ARHGEF26: variants seen among roughly 807,000 people sequenced by gnomAD.
ARHGEF26 encodes the protein Rho guanine nucleotide exchange factor 26.
ARHGEF26 carries 59 observed loss-of-function variants against 89.4 expected under a neutral mutation model. The ratio of observed to expected loss-of-function variants is 0.66; its 90% CI spans 0.54 to 0.82. The LOEUF (loss-of-function observed/expected upper bound fraction) is 0.82, where lower values mean the gene tolerates loss of function less well. Ranked by LOEUF, ARHGEF26 falls within the 40% of genes least tolerant of loss-of-function variation. The probability of loss-of-function intolerance (pLI) is 0.00; values close to 1 mark genes in which losing one functional copy is unlikely to be tolerated. For missense variants in ARHGEF26, 1,234 were observed against 1,085.6 expected (o/e 1.14, Z -1.92); for synonymous variants, 500 against 428.4 (o/e 1.17, Z -2.06).
rs355749 is a variant in ARHGEF26, at chr3:154,254,711, T to C, written c.2369-9T>C. The C allele has an allele frequency of 0.87, 1,405,068 of 1,611,436 alleles. 614,369 individuals are homozygous for C. The highest frequency in any genetic ancestry group is 1 in the East Asian group (44,761 of 44,794). ...ACTGGAAACTTAGTATGTCCTCTTT[T>C]GGCCTCAGCACTGACCCAGGTGGAA... is the stretch of plus-strand genomic sequence containing the variant. On this transcript the variant is annotated splice_polypyrimidine_tract_variant and intron_variant, in intron 13 of 14. Transcript: ENST00000465093.
chr3:154,172,621 GA>G (rs1712522395), intron 6 of ARHGEF26, among the ~76,000 whole-genome samples: 1 of 152,192 alleles, frequency 6.6e-6, no homozygotes, highest in African/African-American at 2.4e-5. Flanking sequence ...TTGAACCCAG[GA>G]GGTAGAGGTT....
At position 154,152,775 on chromosome 3, in the gene ARHGEF26, A is replaced by G. The variant is rs760565391; in HGVS notation, c.1330A>G (p.Ile444Val). 1.0e-5 allele frequency: 15 copies of G among 1,495,872 alleles called. No homozygotes were observed. Among genetic ancestry groups the G allele is most frequent in the Admixed American group, 7.1e-5 (3 of 42,328 alleles). The allele number at this position is 1,495,872 out of a possible 1,614,324, so 92.7% of individuals were successfully genotyped here. A position where few individuals can be genotyped will look rare whatever the true frequency, so the allele number is the denominator to read the frequency against. ...SQEERKRQEA[I>V]FEVISSEHSY... ...ATTTCTTTTTCCTTCTTACCAGGCT[A>G]TCTTTGAAGTCATATCCTCTGAACA... is the stretch of plus-strand genomic sequence containing the variant. The change falls in exon 6 of 15, where the codon ATC (isoleucine) becomes GTC (valine). Residue 444 changes from isoleucine (I) to valine (V), a missense_variant. Coordinates refer to ENST00000465093, the MANE Select transcript of ARHGEF26 (RefSeq NM_015595.4).
chr3:154,188,209 A>G (rs1300423862), intron 7 of ARHGEF26, among the ~76,000 whole-genome samples: 1 of 152,176 alleles, frequency 6.6e-6, no homozygotes, highest in Non-Finnish European at 1.5e-5. Context: ...TGATTGAGCT[A>G]AAAGCTAAGA....
chr3:154,164,451 A>G (rs1711869727), intron 6 of ARHGEF26, among the ~76,000 whole-genome samples: 1 of 25,298 alleles, frequency 4.0e-5, no homozygotes, highest in Non-Finnish European at 6.1e-5. Context: ...AACTTAATAG[A>G]TACTTTATAC....
At chr3:154,138,460 A>T (rs923712349) in intron 4 of ARHGEF26, among the ~76,000 whole-genome samples, 1 of 152,166 alleles carries the variant, frequency 6.6e-6, no homozygotes, top group Non-Finnish European at 1.5e-5. Flanking sequence ...TGAGGAAAAA[A>T]CTACTCTGGT....
intron 6 of ARHGEF26, among the ~76,000 whole-genome samples, chr3:154,175,284 G>T (rs1712737330): frequency 6.6e-6 from 1 of 152,150 alleles, no homozygotes; most frequent in East Asian, 1.9e-4. Context: ...ACTCAGTGTG[G>T]AAGCTGCATA....
intron 9 of ARHGEF26, among the ~76,000 whole-genome samples, chr3:154,207,439 G>C (rs925185174): frequency 7.2e-5 from 11 of 152,020 alleles, no homozygotes; most frequent in Admixed American, 4.6e-4. Context: ...AGCGGGCAAA[G>C]GACATGAACA....
intron 10 of ARHGEF26, among the ~76,000 whole-genome samples, chr3:154,224,149 C>G (rs1306508044): frequency 6.6e-6 from 1 of 152,174 alleles, no homozygotes; most frequent in Non-Finnish European, 1.5e-5. Flanking sequence ...TTCACTCATG[C>G]TCACTTTGGG....
chr3:154,247,218 C>G (rs1398594266), intron 12 of ARHGEF26, among the ~76,000 whole-genome samples: 1 of 152,178 alleles, frequency 6.6e-6, no homozygotes, highest in Non-Finnish European at 1.5e-5. Context: ...AGAAATGCAG[C>G]CTGTCCAAAA....
intron 8 of ARHGEF26, among the ~76,000 whole-genome samples, chr3:154,194,110 G>A (rs1422988915): frequency 6.6e-6 from 1 of 152,114 alleles, no homozygotes; most frequent in Non-Finnish European, 1.5e-5. Flanking sequence ...TTACAGACAT[G>A]AGCCACTGTG....
intron 4 of ARHGEF26, among the ~76,000 whole-genome samples, chr3:154,138,739 A>C (rs1294421350): frequency 1.3e-5 from 2 of 152,198 alleles, no homozygotes; most frequent in Non-Finnish European, 2.9e-5. Flanking sequence ...TTCTTACTTC[A>C]TTGAGTAGAA....
intron 12 of ARHGEF26, among the ~76,000 whole-genome samples, chr3:154,244,557 G>A (rs893070746): frequency 8.6e-5 from 13 of 151,988 alleles, no homozygotes; most frequent in African/African-American, 3.1e-4. Context: ...TCAAGTTTGG[G>A]TCCGTTGTCC....
chr3:154,131,893 A>G (rs1414726368), intron 4 of ARHGEF26, among the ~76,000 whole-genome samples: 1 of 152,234 alleles, frequency 6.6e-6, no homozygotes, highest in African/African-American at 2.4e-5. Context: ...AACTTTGTTT[A>G]TGGACTTGCA....
chr3:154,176,764 T>C (rs1212459006), intron 6 of ARHGEF26, among the ~76,000 whole-genome samples: 1 of 152,188 alleles, frequency 6.6e-6, no homozygotes, highest in Non-Finnish European at 1.5e-5. Context: ...AGAGACGTTT[T>C]TAGAAGCAGA....
chr3:154,147,773 T>C (rs1318743777), intron 4 of ARHGEF26, among the ~76,000 whole-genome samples: 1 of 152,158 alleles, frequency 6.6e-6, no homozygotes, highest in Non-Finnish European at 1.5e-5. Context: ...ACATTCTTTT[T>C]CCCCTTCTTT....
chr3:154,208,502 T>C (rs115406317), intron 9 of ARHGEF26, among the ~76,000 whole-genome samples: 6 of 152,270 alleles, frequency 3.9e-5, no homozygotes, highest in Non-Finnish European at 8.8e-5. Flanking sequence ...TGGGAAGTTC[T>C]CTGTTATATC....
At chr3:154,160,541 C>T (rs1254470304) in intron 6 of ARHGEF26, among the ~76,000 whole-genome samples, 3 of 152,030 alleles carry the variant, frequency 2.0e-5, no homozygotes, top group Non-Finnish European at 4.4e-5. Flanking sequence ...ACAACAGCTA[C>T]AATATTTTGG....
At chr3:154,212,017 A>AT (rs1164254890) in intron 9 of ARHGEF26, among the ~76,000 whole-genome samples, 1 of 152,136 alleles carries the variant, frequency 6.6e-6, no homozygotes, top group African/African-American at 2.4e-5. Context: ...GTAAGAACGT[A>AT]TTTAAGTTGA....
intron 9 of ARHGEF26, among the ~76,000 whole-genome samples, chr3:154,202,533 G>C (rs941464598): frequency 6.6e-6 from 1 of 152,064 alleles, no homozygotes; most frequent in Non-Finnish European, 1.5e-5. Flanking sequence ...TTCCAGTTCT[G>C]TGAAGAAAGT....
Sources: allele counts gnomAD v4.1 joint callset (sites outside exome capture counted in the v4.1 genomes callset), GRCh38; gene constraint gnomAD v4.1.1; transcripts MANE v1.5; gene names NCBI Gene and HGNC (gene_info 2026-07-23, HGNC 2026-07-21).